DCUN1D4: variants seen among roughly 807,000 people sequenced by gnomAD.
DCUN1D4 encodes the protein DCN1-like protein 4.
In DCUN1D4, 22 loss-of-function variants were observed where a neutral mutation model predicts 47.9. That is an observed-to-expected ratio of 0.46 (90% CI 0.33 to 0.66). DCUN1D4 has a LOEUF of 0.66. Ranked by LOEUF, DCUN1D4 falls within the 30% of genes least tolerant of loss-of-function variation. The pLI is 0.02. For missense variants in DCUN1D4, 301 were observed against 340.8 expected (o/e 0.88, Z 0.92); for synonymous variants, 121 against 112.2 (o/e 1.08, Z -0.50).
intron 5 of DCUN1D4, among the ~76,000 whole-genome samples, chr4:51,878,458 A>G (rs1227376986): frequency 3.9e-5 from 6 of 152,134 alleles, no homozygotes; most frequent in Non-Finnish European, 8.8e-5. Context: ...TTCTCACCTT[A>G]TTTCAGGCTC....
intron 5 of DCUN1D4, chr4:51,885,038 T>C (rs1392006601): frequency 1.3e-5 from 2 of 152,138 alleles, no homozygotes; most frequent in African/African-American, 4.8e-5. Flanking sequence ...GAAACTTGTT[T>C]TGCAGTTGGA....
At position 51,915,524 on chromosome 4, in the gene DCUN1D4, G is replaced by A. The variant is rs1734247417; in HGVS notation, c.*1940G>A. 6.6e-6 allele frequency: 1 copy of A among 152,380 alleles called. No homozygotes were observed. Among genetic ancestry groups the A allele is most frequent in the Non-Finnish European group, 1.5e-5 (1 of 68,016 alleles). 9.4% of individuals were successfully genotyped at this position (152,380 alleles called of 1,614,324 possible). On this transcript the variant is annotated 3_prime_UTR_variant, in exon 11 of 11. Coordinates refer to ENST00000334635, the MANE Select transcript of DCUN1D4 (RefSeq NM_001040402.3). The stretch of plus-strand genomic sequence containing the variant: ...TTGTTTTGCAGTGGTGACTGGCCTA[G>A]GCAGGTTTGGATCTGTGAAGAATTG...
At chr4:51,849,790 A>G (rs1269869586) in intron 1 of DCUN1D4, among the ~76,000 whole-genome samples, 2 of 146,694 alleles carry the variant, frequency 1.4e-5, no homozygotes, top group African/African-American at 5.0e-5. Context: ...CTCCTTGTGC[A>G]TTTTTTTTTT....
At chr4:51,899,240 T>A in intron 7 of DCUN1D4, 30 bp from the exon 8 acceptor site, 1 of 1,556,914 alleles carries the variant, frequency 6.4e-7, no homozygotes, top group Non-Finnish European at 8.6e-7. Flanking sequence ...TGAACTCAGG[T>A]CATAATTTGC....
intron 5 of DCUN1D4, among the ~76,000 whole-genome samples, chr4:51,883,978 TATAA>T (rs1729081771): frequency 1.3e-5 from 2 of 148,552 alleles, no homozygotes; most frequent in African/African-American, 2.4e-5. Context: ...ACTAGGAATA[TATAA>T]ATATATATAT....
chr4:51,908,698 A>G (rs1235362821), intron 8 of DCUN1D4, among the ~76,000 whole-genome samples: 1 of 151,648 alleles, frequency 6.6e-6, no homozygotes, highest in Non-Finnish European at 1.5e-5. Context: ...TGTCATTAGG[A>G]TCATTGTTGT....
chr4:51,844,915 C>A (rs971323902), intron 1 of DCUN1D4: 10 of 985,554 alleles, frequency 1.0e-5, no homozygotes, highest in Non-Finnish European at 1.2e-5. Context: ...CCGGCCAGCT[C>A]CTGCGCGCTC....
At chr4:51,881,216 C>A (rs1259645745) in intron 5 of DCUN1D4, among the ~76,000 whole-genome samples, 2 of 152,044 alleles carry the variant, frequency 1.3e-5, no homozygotes, top group African/African-American at 4.8e-5. Context: ...GGAATTAAAC[C>A]AAATACACAG....
chr4:51,896,958 C>T (rs1731359312), intron 7 of DCUN1D4, among the ~76,000 whole-genome samples: 2 of 152,174 alleles, frequency 1.3e-5, no homozygotes, highest in South Asian at 4.1e-4. Flanking sequence ...TACCTCTTTC[C>T]CACTTCCTCT....
intron 9 of DCUN1D4, among the ~76,000 whole-genome samples, chr4:51,912,375 G>T (rs184708202): frequency 1.3e-5 from 2 of 152,130 alleles, no homozygotes; most frequent in Non-Finnish European, 2.9e-5. Context: ...TGCTTAGAAA[G>T]TTAAACTTGT....
At chr4:51,873,790 A>G (rs995857435) in intron 3 of DCUN1D4, among the ~76,000 whole-genome samples, 1 of 152,208 alleles carries the variant, frequency 6.6e-6, no homozygotes. Context: ...ACTTCTGCTT[A>G]AAAAACCCCA....
rs569411938 is a variant in DCUN1D4 at position 51,852,577 on chromosome 4, A to C, written c.25+9310A>C. 2.0e-5 allele frequency among the ~76,000 whole-genome samples: 3 copies of C among 152,154 alleles called. No individual in the cohort carries two copies. In the East Asian group the frequency reaches 5.8e-4, roughly 29 times the overall value. ...TGAATTAGTAGTTTTAAACACCATC[A>C]CCTTGTGATCTCTTCTGCCCTGTCT... On this transcript the variant is annotated intron_variant, in intron 1 of 10. Coordinates refer to ENST00000334635, the MANE Select transcript of DCUN1D4 (RefSeq NM_001040402.3).
the DCUN1D4 span, among the ~76,000 whole-genome samples, chr4:51,834,094 TTC>T: frequency 2.2e-5 from 3 of 137,946 alleles, no homozygotes; most frequent in Admixed American, 7.1e-5. Flanking sequence ...CTCTTTTCTT[TTC>T]TTCTTTCTTT....
At chr4:51,856,341 C>G (rs1020083373) in intron 1 of DCUN1D4, among the ~76,000 whole-genome samples, 2 of 152,040 alleles carry the variant, frequency 1.3e-5, no homozygotes, top group African/African-American at 4.8e-5. Context: ...GCTTTAGTGA[C>G]CAGAAGAGCG....
chr4:51,853,017 C>T (rs1026680790), intron 1 of DCUN1D4, among the ~76,000 whole-genome samples: 1 of 152,256 alleles, frequency 6.6e-6, no homozygotes, highest in Non-Finnish European at 1.5e-5. Flanking sequence ...TTGTGCTCAC[C>T]TTCAGTGGGT....
chr4:51,911,314 T>A, intron 9 of DCUN1D4, 140 bp downstream of exon 9: 1 of 727,912 alleles, frequency 1.4e-6, no homozygotes, highest in Non-Finnish European at 2.3e-6. Flanking sequence ...TTGCTGTCAG[T>A]CAGCAGCTAC....
chr4:51,847,796 G>A (rs759631580), intron 1 of DCUN1D4, among the ~76,000 whole-genome samples: 6 of 151,950 alleles, frequency 3.9e-5, no homozygotes, highest in Non-Finnish European at 7.4e-5. Flanking sequence ...TTTCTTTACT[G>A]TGCTCCCTCT....
chr4:51,857,186 C>T (rs148795932), intron 1 of DCUN1D4, among the ~76,000 whole-genome samples: 26 of 152,180 alleles, frequency 1.7e-4, no homozygotes, highest in African/African-American at 5.5e-4. Context: ...CTTTTCATCT[C>T]GCTTCTTCCT....
chr4:51,888,476 C>T (rs972393811), intron 6 of DCUN1D4, among the ~76,000 whole-genome samples: 4 of 152,172 alleles, frequency 2.6e-5, no homozygotes, highest in African/African-American at 9.7e-5. Flanking sequence ...CATGATGGCT[C>T]ACGCCTGTAA....
Sources: gnomAD v4.1 joint callset for allele counts (sites outside exome capture counted in the v4.1 genomes callset) on GRCh38, gnomAD v4.1.1 for gene constraint, MANE v1.5 for transcripts, NCBI Gene and HGNC (gene_info 2026-07-23, HGNC 2026-07-21) for gene names.